The following RBFOX1 variants were observed in gnomAD, a reference collection of about 807,000 sequenced individuals.
RBFOX1 encodes the protein RNA binding fox-1 homolog 1, also known as RNA binding protein fox-1 homolog 1.
Under a neutral mutation model 57.7 loss-of-function variants are expected in RBFOX1, and 8 were observed. The observed-to-expected ratio is 0.14, with a 90% CI of 0.08 to 0.25. The LOEUF is 0.25. RBFOX1 is among the 10% of genes least tolerant of loss of function. The probability of loss-of-function intolerance (pLI) is 1.00; values close to 1 mark genes in which losing one functional copy is unlikely to be tolerated. For missense variants in RBFOX1, 611 were observed against 548.5 expected (o/e 1.11, Z -1.14); for synonymous variants, 326 against 222.4 (o/e 1.47, Z -4.15).
chr16:5,538,879 G>C (rs1316170204), intron 2 of RBFOX1, among the ~76,000 whole-genome samples: 1 of 152,104 alleles, frequency 6.6e-6, no homozygotes, highest in East Asian at 1.9e-4. Flanking sequence ...GCCCACCTCA[G>C]CCAGTGGCTC....
rs905008622 is a variant in RBFOX1 at position 6,180,387 on chromosome 16, C to A, written c.-126-136608C>A. ...TCCAGAAATATTTTTTTCATTTTAT[C>A]TAGGTTATCTATTATTTTTGGCCTA... On this transcript the variant is annotated intron_variant, in intron 1 of 15. Coordinates refer to ENST00000550418, the MANE Select transcript of RBFOX1 (RefSeq NM_018723.4). Among the ~76,000 whole-genome samples the A allele has an allele frequency of 9.2e-5, 14 of 151,738 alleles. 1 individual carries two copies. The highest frequency in any genetic ancestry group is 8.5e-4 in the Admixed American group (13 of 15,250).
chr16:5,309,228 A>C (rs1256388323), intron 1 of RBFOX1, among the ~76,000 whole-genome samples: 1 of 152,198 alleles, frequency 6.6e-6, no homozygotes, highest in East Asian at 1.9e-4. Flanking sequence ...CTTCTCCTTT[A>C]AACCAGAAGT....
chr16:7,673,538 C>A (rs994525452), intron 13 of RBFOX1, among the ~76,000 whole-genome samples: 1 of 152,152 alleles, frequency 6.6e-6, no homozygotes, highest in Non-Finnish European at 1.5e-5. Flanking sequence ...GAGACCCCAT[C>A]TCTAGTAGTA....
chr16:5,480,513 T>G (rs930915751), intron 2 of RBFOX1, among the ~76,000 whole-genome samples: 11 of 152,332 alleles, frequency 7.2e-5, no homozygotes, highest in African/African-American at 2.6e-4. Context: ...ATGCACGGGA[T>G]TAGACAATTC....
intron 4 of RBFOX1, among the ~76,000 whole-genome samples, chr16:7,495,963 C>T (rs1489373972): frequency 1.3e-5 from 2 of 152,062 alleles, no homozygotes; most frequent in African/African-American, 4.8e-5. Context: ...ATGTTTGAAT[C>T]CTGTAGATTC....
intron 3 of RBFOX1, among the ~76,000 whole-genome samples, chr16:5,617,791 C>T (rs1236908507): frequency 6.6e-6 from 1 of 152,128 alleles, no homozygotes; most frequent in African/African-American, 2.4e-5. Context: ...TTGCAGAGCC[C>T]AGGTCAGGTA....
intron 11 of RBFOX1, among the ~76,000 whole-genome samples, chr16:7,631,936 G>T (rs978589134): frequency 6.6e-6 from 1 of 152,146 alleles, no homozygotes; most frequent in Non-Finnish European, 1.5e-5. Context: ...TTGAGACAAA[G>T]TCTCACTCTG....
intron 1 of RBFOX1, among the ~76,000 whole-genome samples, chr16:5,269,513 C>G (rs1299594565): frequency 1.3e-5 from 2 of 152,214 alleles, no homozygotes; most frequent in Admixed American, 1.3e-4. Context: ...TGTTGTCTAC[C>G]CACATGGTGG....
intron 2 of RBFOX1, among the ~76,000 whole-genome samples, chr16:5,544,551 T>G (rs1207528873): frequency 6.6e-6 from 1 of 151,682 alleles, no homozygotes; most frequent in East Asian, 1.9e-4. Context: ...AGAGAGAAAT[T>G]AATGAAATGA....
chr16:5,281,791 C>T (rs1245609751), intron 1 of RBFOX1, among the ~76,000 whole-genome samples: 2 of 152,106 alleles, frequency 1.3e-5, no homozygotes, highest in Non-Finnish European at 2.9e-5. Flanking sequence ...TTTTCAATCC[C>T]TTCACTTTCA....
At chr16:6,922,868 A>G (rs1021750066) in intron 3 of RBFOX1, among the ~76,000 whole-genome samples, 1 of 152,164 alleles carries the variant, frequency 6.6e-6, no homozygotes, top group Non-Finnish European at 1.5e-5. Flanking sequence ...TTCCATTTCT[A>G]GGTGTACCTT....
At chr16:5,667,293 T>C (rs756824360) in intron 3 of RBFOX1, among the ~76,000 whole-genome samples, 16 of 152,380 alleles carry the variant, frequency 1.1e-4, no homozygotes, top group Admixed American at 3.3e-4. Context: ...CCCTTTCTTA[T>C]TTTCTAATAC....
intron 4 of RBFOX1, among the ~76,000 whole-genome samples, chr16:7,091,511 A>G (rs9923952): frequency 0.032 from 4,812 of 151,520 alleles, 210 homozygotes; most frequent in African/African-American, 0.1. Flanking sequence ...CCTTTTACCA[A>G]TGTAGTTCAG....
At chr16:6,819,664 C>A (rs527372490) in intron 3 of RBFOX1, among the ~76,000 whole-genome samples, 3 of 113,910 alleles carry the variant, frequency 2.6e-5, no homozygotes, top group Non-Finnish European at 4.9e-5. Context: ...AGGATCAAGG[C>A]ATTGCATTCC....
intron 3 of RBFOX1, among the ~76,000 whole-genome samples, chr16:6,978,109 G>C (rs1232693513): frequency 2.0e-5 from 3 of 149,268 alleles, no homozygotes; most frequent in African/African-American, 2.5e-5. Context: ...TGACTTTGCA[G>C]GCTCCAGCCC....
chr16:7,197,086 A>G (rs922291723), intron 4 of RBFOX1, among the ~76,000 whole-genome samples: 5 of 152,094 alleles, frequency 3.3e-5, no homozygotes, highest in Non-Finnish European at 5.9e-5. Context: ...GAACACATGT[A>G]TTACTCCTGT....
intron 3 of RBFOX1, among the ~76,000 whole-genome samples, chr16:5,623,601 C>A (rs1309704381): frequency 6.7e-6 from 1 of 150,170 alleles, no homozygotes; most frequent in African/African-American, 2.4e-5. Flanking sequence ...CTGATAAATT[C>A]TCACCGGTGC....
At chr16:6,432,713 C>G (rs961850315) in intron 2 of RBFOX1, among the ~76,000 whole-genome samples, 1 of 151,916 alleles carries the variant, frequency 6.6e-6, no homozygotes, top group Non-Finnish European at 1.5e-5. Context: ...GGTGCAATGG[C>G]TTATGTCTGT....
intron 4 of RBFOX1, among the ~76,000 whole-genome samples, chr16:7,061,254 A>C (rs2054172729): frequency 6.6e-6 from 1 of 151,896 alleles, no homozygotes; most frequent in Admixed American, 6.6e-5. Flanking sequence ...GTACATTTAA[A>C]ATGTTTTTTA....
Sources: gnomAD v4.1 joint callset for allele counts (sites outside exome capture counted in the v4.1 genomes callset) on GRCh38, gnomAD v4.1.1 for gene constraint, MANE v1.5 for transcripts, NCBI Gene and HGNC (gene_info 2026-07-23, HGNC 2026-07-21) for gene names.